RANBP3: variants seen among roughly 807,000 people sequenced by gnomAD.
RANBP3 encodes the protein RAN binding protein 3.
Under a neutral mutation model 77.3 loss-of-function variants are expected in RANBP3, and 14 were observed. That is an observed-to-expected ratio of 0.18 (90% CI 0.12 to 0.28). The LOEUF (loss-of-function observed/expected upper bound fraction) is 0.28, where lower values mean the gene tolerates loss of function less well. Among genes scored for constraint, RANBP3 ranks in the 10% least tolerant of loss-of-function variants. RANBP3 has a pLI of 1.00. For missense variants in RANBP3, 586 were observed against 752.3 expected (o/e 0.78, Z 2.59); for synonymous variants, 315 against 312.4 (o/e 1.01, Z -0.09).
At chr19:5,938,508 G>A (rs2058094227) in intron 5 of RANBP3, among the ~76,000 whole-genome samples, 1 of 151,532 alleles carries the variant, frequency 6.6e-6, no homozygotes, top group South Asian at 2.1e-4. Flanking sequence ...TGGCCAACAC[G>A]GTGAAACCCT....
intron 1 of RANBP3, among the ~76,000 whole-genome samples, chr19:5,971,813 G>C (rs545417540): frequency 1.4e-3 from 207 of 152,282 alleles, no homozygotes; most frequent in African/African-American, 4.9e-3. Flanking sequence ...TGTATAATAG[G>C]ATTGAAACCC....
intron 1 of RANBP3, chr19:5,962,584 T>C (rs1347359987): frequency 2.2e-6 from 1 of 446,318 alleles, no homozygotes; most frequent in Non-Finnish European, 4.5e-6. Context: ...ACCAAGAGGA[T>C]ACAGCAATAG....
intron 12 of RANBP3, 77 bp from the exon 13 acceptor site, chr19:5,923,380 T>C (rs1481875648): frequency 6.9e-7 from 1 of 1,450,236 alleles, no homozygotes. Flanking sequence ...CGACAGGAGA[T>C]GAGAGGGTTG....
intron 14 of RANBP3, among the ~76,000 whole-genome samples, chr19:5,919,506 G>T (rs1568443760): frequency 6.6e-6 from 1 of 152,222 alleles, no homozygotes. Flanking sequence ...ACAGGCTGAT[G>T]ACCCAGGCAG....
At chr19:5,932,939 T>C in intron 6 of RANBP3, 1 of 268,048 alleles carries the variant, frequency 3.7e-6, no homozygotes, top group Non-Finnish European at 7.2e-6. Flanking sequence ...ACAGCCATGC[T>C]GAGGAAGTCC....
chr19:5,936,814 G>C (rs1422818572), intron 5 of RANBP3, among the ~76,000 whole-genome samples: 1 of 152,056 alleles, frequency 6.6e-6, no homozygotes, highest in Non-Finnish European at 1.5e-5. Flanking sequence ...TGTCTATGTT[G>C]ACACAATCGA....
chr19:5,921,406 GGGGACTGCCA>G lies in RANBP3; in HGVS notation c.1210-95_1210-86del. The G allele has an allele frequency of 1.3e-6, 2 of 1,553,546 alleles. No homozygotes were observed. The highest frequency in any genetic ancestry group is 2.4e-5 in the South Asian group (2 of 83,372). ...CCCTGAGAGTCGCCCTTTAGCCTGT[GGGGACTGCCA>G]GGGCCAGCCAACGACGGCCTGGGGG... On this transcript the variant is annotated intron_variant, in intron 13 of 16. Coordinates refer to ENST00000340578, the MANE Select transcript of RANBP3 (RefSeq NM_007322.3). The surrounding 1 kb of genome is among the most constrained non-coding windows in gnomAD (Gnocchi z 5.3).
rs950656031 is a variant in RANBP3 at position 5,917,141 on chromosome 19, C to T, written c.*469G>A. 7 of 199,794 alleles carry T rather than the reference C, an allele frequency of 3.5e-5. No homozygotes were observed. The East Asian group carries it at 5.0e-4, about 14-fold the overall frequency. 12.4% of individuals were successfully genotyped at this position (199,794 alleles called of 1,614,324 possible). ...CGTACGAGCAGCCCCCCAAGCTGGG[C>T]GGGGGTCCCAGGCCTATAGTTGGGG... is the stretch of plus-strand genomic sequence containing the variant. On this transcript the variant is annotated 3_prime_UTR_variant, in exon 17 of 17. Transcript: ENST00000340578.
chr19:5,916,538 T>C lies in RANBP3; in HGVS notation c.*1072A>G, dbSNP rs1271011932. 1 of 152,268 alleles carries C rather than the reference T, an allele frequency of 6.6e-6. No homozygotes were observed. Among genetic ancestry groups the C allele is most frequent in the Non-Finnish European group, 1.5e-5 (1 of 68,096 alleles). 9.4% of individuals were successfully genotyped at this position (152,268 alleles called of 1,614,324 possible). On this transcript the variant is annotated 3_prime_UTR_variant, in exon 17 of 17. Coordinates refer to ENST00000340578, the MANE Select transcript of RANBP3 (RefSeq NM_007322.3). ...GGGTGGGCACAGGCGTCCACTCCAG[T>C]GTGCTGCGTGCTTGTGAGACTGCCT...
chr19:5,926,178 C>A (rs899949016), intron 9 of RANBP3, among the ~76,000 whole-genome samples: 1 of 152,134 alleles, frequency 6.6e-6, no homozygotes, highest in African/African-American at 2.4e-5. Flanking sequence ...CTGCTTTAAT[C>A]CTCACGAGGC....
chr19:5,972,596 C>A (rs1433161844), intron 1 of RANBP3, among the ~76,000 whole-genome samples: 1 of 152,206 alleles, frequency 6.6e-6, no homozygotes, highest in Non-Finnish European at 1.5e-5. Context: ...CCAGCCATCT[C>A]GGCAGTTTTG....
At chr19:5,957,536 C>G (rs1365757977) in intron 2 of RANBP3, among the ~76,000 whole-genome samples, 1 of 149,694 alleles carries the variant, frequency 6.7e-6, no homozygotes, top group African/African-American at 2.5e-5. Context: ...CTTCCCCTCC[C>G]TCCCTCCCTC....
rs1379230610 is a variant in RANBP3, at chr19:5,917,472, G to A, written c.*138C>T. The A allele has an allele frequency of 1.7e-5, 16 of 943,482 alleles. No individual in the cohort carries two copies. The highest frequency in any genetic ancestry group is 3.3e-5 in the African/African-American group (2 of 60,162). 58.4% of individuals were successfully genotyped at this position (943,482 alleles called of 1,614,324 possible). A position where few individuals can be genotyped will look rare whatever the true frequency, so the allele number is the denominator to read the frequency against. On this transcript the variant is annotated 3_prime_UTR_variant, in exon 17 of 17. Coordinates refer to ENST00000340578, the MANE Select transcript of RANBP3 (RefSeq NM_007322.3). ...GAGTCTGCTTTTGAACAGGACGTGC[G>A]GGTCCAGACTGTGGCCGGCCCAGTG...
rs1478545382 is a variant in RANBP3, at chr19:5,951,482, G to T, written c.193C>A (p.Pro65Thr). Reference protein sequence around the residue: ...PESAGEHALEPPAPAGASAST... With the variant: ...PESAGEHALETPAPAGASAST... ...GCTGAGGCGCCAGCAGGGGCAGGAG[G>T]TTCTAGGGCATGCTCGCCAGCTGAC... The change falls in exon 3 of 17, where the codon CCT becomes ACT. Residue 65 changes from proline to threonine, a missense_variant. By Grantham distance (38) the Pro-to-Thr change is conservative. Coordinates refer to ENST00000340578, the MANE Select transcript of RANBP3 (RefSeq NM_007322.3). 1.2e-6 allele frequency: 2 copies of T among 1,610,850 alleles called. No homozygotes were observed. Among genetic ancestry groups the T allele is most frequent in the South Asian group, 2.2e-5 (2 of 90,548 alleles).
Position 5,924,473 on chromosome 19 carries a change from A to G in RANBP3, c.996+354T>C, listed in dbSNP as rs984451841. ...AGGGAGGCCAGCAACCCTGTCCACC[A>G]GCACGGCTGGCTCCGTCCCACAGGA... On this transcript the variant is annotated intron_variant, in intron 11 of 16. Coordinates refer to ENST00000340578, the MANE Select transcript of RANBP3 (RefSeq NM_007322.3). This position sits in a 1 kb window ranked among gnomAD's most constrained non-coding sequence, Gnocchi z 4.7. Among the ~76,000 whole-genome samples, 1 of 152,248 alleles carries G rather than the reference A, an allele frequency of 6.6e-6. No homozygotes were observed. Among genetic ancestry groups the G allele is most frequent in the Admixed American group, 6.5e-5 (1 of 15,292 alleles).
In RANBP3 at chr19:5,924,390, A is replaced by T. The variant is rs574519243; in HGVS notation, c.996+437T>A. Among the ~76,000 whole-genome samples, 10 of 152,332 alleles carry T rather than the reference A, an allele frequency of 6.6e-5. No individual in the cohort carries two copies. In the East Asian group the frequency reaches 1.9e-3, roughly 29 times the overall value. On this transcript the variant is annotated intron_variant, in intron 11 of 16. Coordinates refer to ENST00000340578, the MANE Select transcript of RANBP3 (RefSeq NM_007322.3). The surrounding 1 kb of genome is among the most constrained non-coding windows in gnomAD (Gnocchi z 4.7). ...CTCCCAGGCTGGCTGGGCTCCTGGG[A>T]ACGGAGATGGGCCTTTCGTGCACCC...
intron 5 of RANBP3, among the ~76,000 whole-genome samples, chr19:5,936,161 C>T (rs1469091944): frequency 3.3e-5 from 5 of 152,240 alleles, no homozygotes; most frequent in Non-Finnish European, 7.3e-5. Context: ...GCTGAGAAGG[C>T]AGCCTGGCTG....
At chr19:5,922,678 G>A (rs1419950607) in intron 13 of RANBP3, among the ~76,000 whole-genome samples, 1 of 152,186 alleles carries the variant, frequency 6.6e-6, no homozygotes, top group Non-Finnish European at 1.5e-5. Flanking sequence ...GGTGGCTCAC[G>A]CCTGTCATCC....
intron 3 of RANBP3, among the ~76,000 whole-genome samples, chr19:5,944,595 A>T (rs777727195): frequency 1.3e-5 from 2 of 152,214 alleles, no homozygotes; most frequent in Non-Finnish European, 2.9e-5. Flanking sequence ...AACACCTGAC[A>T]CAGCCTCCTT....
Sources: allele counts gnomAD v4.1 joint callset (sites outside exome capture counted in the v4.1 genomes callset), GRCh38; gene constraint gnomAD v4.1.1; non-coding constraint Gnocchi (gnomAD v3.1); transcripts MANE v1.5; gene names NCBI Gene and HGNC (gene_info 2026-07-23, HGNC 2026-07-21).